Variants in CARMIL1 observed in about 807,000 individuals in gnomAD.
The protein encoded by CARMIL1 is F-actin-uncapping protein LRRC16A.
In CARMIL1, 90 loss-of-function variants were observed where a neutral mutation model predicts 177.1. That is an observed-to-expected ratio of 0.51 (90% CI 0.43 to 0.61). The LOEUF is 0.61. CARMIL1 is among the 20% of genes least tolerant of loss of function. The probability of loss-of-function intolerance (pLI) is 0.00; values close to 1 mark genes in which losing one functional copy is unlikely to be tolerated. For synonymous variants in CARMIL1, 577 were observed against 606.2 expected (o/e 0.95, Z 0.71); for missense variants, 1,380 against 1,667.0 (o/e 0.83, Z 3.00).
chr6:25,523,546 T>C (rs1806784071), intron 23 of CARMIL1, among the ~76,000 whole-genome samples: 1 of 152,184 alleles, frequency 6.6e-6, no homozygotes. Context: ...ATTAGATATC[T>C]TTATAATTTC....
intron 2 of CARMIL1, among the ~76,000 whole-genome samples, chr6:25,303,643 T>G (rs1283107746): frequency 6.6e-6 from 1 of 152,254 alleles, no homozygotes. Context: ...GTTATTTTAG[T>G]GTGTTATCTT....
At chr6:25,601,301 T>C (rs920864298) in intron 33 of CARMIL1, among the ~76,000 whole-genome samples, 6 of 152,204 alleles carry the variant, frequency 3.9e-5, no homozygotes, top group African/African-American at 1.2e-4. Flanking sequence ...CATTCTAACA[T>C]AGGCTTTGAA....
chr6:25,506,994 T>C (rs1804977031), intron 17 of CARMIL1, among the ~76,000 whole-genome samples: 2 of 152,190 alleles, frequency 1.3e-5, no homozygotes, highest in Non-Finnish European at 2.9e-5. Context: ...AATGAGAGGA[T>C]ACTACTCTCT....
intron 2 of CARMIL1, among the ~76,000 whole-genome samples, chr6:25,366,286 C>T (rs555415783): frequency 1.6e-4 from 24 of 152,098 alleles, no homozygotes; most frequent in African/African-American, 5.6e-4. Context: ...CATGAGCCAC[C>T]ATACATGGCC....
At chr6:25,382,833 C>T (rs1463646673) in intron 2 of CARMIL1, among the ~76,000 whole-genome samples, 1 of 152,200 alleles carries the variant, frequency 6.6e-6, no homozygotes. Flanking sequence ...CAAGTCCCCA[C>T]TCGACCCAGG....
At chr6:25,396,144 T>G (rs965748296) in intron 2 of CARMIL1, among the ~76,000 whole-genome samples, 2 of 144,334 alleles carry the variant, frequency 1.4e-5, no homozygotes, top group African/African-American at 5.2e-5. Context: ...CCCATTTCTT[T>G]TCAGGAAAAT....
chr6:25,392,277 A>C (rs1478020657), intron 2 of CARMIL1, among the ~76,000 whole-genome samples: 1 of 152,152 alleles, frequency 6.6e-6, no homozygotes, highest in Non-Finnish European at 1.5e-5. Context: ...ACTCCTGACA[A>C]AGTTTTTGAT....
rs1370405109 is a variant in CARMIL1 at position 25,495,193 on chromosome 6, A to C, written c.1303A>C (p.Lys435Gln). Residue 435 changes from lysine to glutamine, a missense_variant, in exon 16 of 37, where the codon AAA (lysine) becomes CAA (glutamine). Coordinates refer to ENST00000329474, the MANE Select transcript of CARMIL1 (RefSeq NM_017640.6). ...ALMHINLSGT[K>Q]LSPEPLKALL... ...GATGCACATCAACCTTTCAGGCACA[A>C]AACTGTCTCCTGAGCCCTTAAAGTG... The C allele has an allele frequency of 1.9e-6, 3 of 1,612,586 alleles. No homozygotes were observed. The South Asian group carries it at 3.3e-5, about 18-fold the overall frequency.
At chr6:25,449,145 C>A (rs1350673799) in intron 5 of CARMIL1, among the ~76,000 whole-genome samples, 2 of 152,084 alleles carry the variant, frequency 1.3e-5, no homozygotes, top group Non-Finnish European at 2.9e-5. Flanking sequence ...CCTGCCTTGG[C>A]CTCCCAAAGT....
chr6:25,463,929 T>G (rs976172604), intron 8 of CARMIL1, among the ~76,000 whole-genome samples: 27 of 145,502 alleles, frequency 1.9e-4, no homozygotes, highest in Admixed American at 3.5e-4. Flanking sequence ...TTCACGCCAT[T>G]CTCCTGCCTC....
At chr6:25,438,578 C>G (rs2150780865) in intron 5 of CARMIL1, among the ~76,000 whole-genome samples, 1 of 152,290 alleles carries the variant, frequency 6.6e-6, no homozygotes, top group Middle Eastern at 3.4e-3. Flanking sequence ...TATCATCTTC[C>G]CAGGGCTTCT....
chr6:25,476,105 TG>T (rs1159237017), intron 11 of CARMIL1, among the ~76,000 whole-genome samples: 4 of 152,374 alleles, frequency 2.6e-5, no homozygotes, highest in African/African-American at 7.2e-5. Context: ...TCAATCTTAA[TG>T]CTCTTGTATA....
chr6:25,511,695 G>A (rs1805468159), intron 20 of CARMIL1, among the ~76,000 whole-genome samples: 2 of 152,144 alleles, frequency 1.3e-5, no homozygotes. Context: ...ACAGCTTTAA[G>A]CTGACTTTTC....
In CARMIL1 at chr6:25,312,142, C is replaced by CTT. The variant is rs1783870218; in HGVS notation, c.138+27237_138+27238dup. 2.0e-5 allele frequency among the ~76,000 whole-genome samples: 3 copies of CTT among 152,236 alleles called. No homozygotes were observed. In the South Asian group the frequency reaches 6.2e-4, roughly 32 times the overall value. Reference sequence around the variant, plus strand: ...CTTGTCAAGGTGAAGGATTAAAAACCTTTTTGTCCTATCCTGTCTATATTT... The same window carrying CTT: ...CTTGTCAAGGTGAAGGATTAAAAACCTTTTTTTGTCCTATCCTGTCTATATTT... On this transcript the variant is annotated intron_variant, in intron 2 of 36. Coordinates refer to ENST00000329474, the MANE Select transcript of CARMIL1 (RefSeq NM_017640.6).
At chr6:25,546,823 G>A (rs1809539462) in intron 26 of CARMIL1, among the ~76,000 whole-genome samples, 1 of 152,064 alleles carries the variant, frequency 6.6e-6, no homozygotes, top group South Asian at 2.1e-4. Context: ...GCTGAGGCAG[G>A]TGGATCACCT....
chr6:25,362,545 A>G (rs1187126871), intron 2 of CARMIL1, among the ~76,000 whole-genome samples: 1 of 152,204 alleles, frequency 6.6e-6, no homozygotes, highest in South Asian at 2.1e-4. Context: ...ATGGTGGCAC[A>G]TGCCTGTAAT....
chr6:25,395,074 A>G (rs937456043), intron 2 of CARMIL1, among the ~76,000 whole-genome samples: 7 of 152,220 alleles, frequency 4.6e-5, no homozygotes, highest in Non-Finnish European at 8.8e-5. Context: ...GATTTTGTCT[A>G]AATTTACCAG....
In CARMIL1 at chr6:25,551,023, A is replaced by G. The variant is rs1288657662; in HGVS notation, c.2442A>G (p.Pro814=). 1.2e-6 allele frequency: 2 copies of G among 1,613,414 alleles called. No homozygotes were observed. The highest frequency in any genetic ancestry group is 3.3e-5 in the Admixed American group (2 of 59,970). ...IHASTEKISI[P]RTFVKNVLLE... is the part of the protein sequence containing the mutation. ...CCAGCACCGAAAAGATTTCTATTCC[A>G]CGTACCTTTGTTAAAAATGTCCTGT... The change falls in exon 27 of 37, where the codon CCA becomes CCG. Residue 814 remains proline, a synonymous_variant. Transcript: ENST00000329474.
Position 25,605,716 on chromosome 6 carries a change from T to C in CARMIL1, c.3635-345T>C, listed in dbSNP as rs188665106. Among the ~76,000 whole-genome samples the C allele has an allele frequency of 3.7e-4, 56 of 152,332 alleles. No homozygotes were observed. The East Asian group carries it at 8.3e-3, about 23-fold the overall frequency. ...GGTTATACCTGTACCTTGTGCCAGA[T>C]CTGAGAAAGACCCAAATATTTCAAG... is the stretch of plus-strand genomic sequence containing the variant. On this transcript the variant is annotated intron_variant, in intron 34 of 36. Transcript: ENST00000329474.
Sources: gnomAD v4.1 joint callset for allele counts (sites outside exome capture counted in the v4.1 genomes callset) on GRCh38, gnomAD v4.1.1 for gene constraint, MANE v1.5 for transcripts, NCBI Gene and HGNC (gene_info 2026-07-23, HGNC 2026-07-21) for gene names.